The following PHIP variants were observed in gnomAD, a reference collection of about 807,000 sequenced individuals.
PHIP encodes PHIP subunit of CUL4-Ring ligase complex, also known as PH-interacting protein.
Under a neutral mutation model 236.8 loss-of-function variants are expected in PHIP, and 54 were observed. The ratio of observed to expected loss-of-function variants is 0.23; its 90% confidence interval spans 0.18 to 0.29. The LOEUF (loss-of-function observed/expected upper bound fraction) is 0.29. PHIP is among the 10% of genes least tolerant of loss of function. PHIP has a pLI of 1.00. For missense variants in PHIP, 1,370 were observed against 2,190.8 expected (o/e 0.63, Z 7.48); for synonymous variants, 756 against 718.9 (o/e 1.05, Z -0.83).
intron 6 of PHIP, among the ~76,000 whole-genome samples, chr6:79,057,350 G>C (rs1773126621): frequency 6.6e-6 from 1 of 152,098 alleles, no homozygotes; most frequent in South Asian, 2.1e-4. Flanking sequence ...AAGGTCTGCT[G>C]TTTAGTTAAC....
At chr6:79,005,781 C>T (rs944677228) in intron 15 of PHIP, among the ~76,000 whole-genome samples, 1 of 152,002 alleles carries the variant, frequency 6.6e-6, no homozygotes, top group African/African-American at 2.4e-5. Context: ...TGGTATCCTT[C>T]ATGTGTTGTT....
intron 6 of PHIP, among the ~76,000 whole-genome samples, chr6:79,056,544 G>A (rs1001230041): frequency 6.6e-6 from 1 of 152,128 alleles, no homozygotes; most frequent in South Asian, 2.1e-4. Flanking sequence ...TTTTGCCCAG[G>A]AGATATTTGG....
At chr6:79,046,423 C>T (rs1211712152) in intron 6 of PHIP, among the ~76,000 whole-genome samples, 1 of 152,178 alleles carries the variant, frequency 6.6e-6, no homozygotes, top group African/African-American at 2.4e-5. Flanking sequence ...TCACTTATTA[C>T]CAGACCTATT....
chr6:78,970,180 G>A lies in PHIP; in HGVS notation c.2998-7C>T. 6.2e-7 allele frequency: 1 copy of A among 1,608,632 alleles called. No individual in the cohort carries two copies. Among genetic ancestry groups the A allele is most frequent in the African/African-American group, 1.3e-5 (1 of 74,888 alleles). Reference sequence around the variant, plus strand: ...TTTTCATAAGTTCTTGTTCCTGAGAGAGACAGAGAATATAAGGAACCATCT... The same window carrying A: ...TTTTCATAAGTTCTTGTTCCTGAGAAAGACAGAGAATATAAGGAACCATCT... On this transcript the variant is annotated splice_polypyrimidine_tract_variant and splice_region_variant and intron_variant, in intron 25 of 39. Coordinates refer to ENST00000275034, the MANE Select transcript of PHIP (RefSeq NM_017934.7).
At chr6:79,042,818 A>C in intron 7 of PHIP, 25 bp downstream of exon 7, 1 of 1,528,110 alleles carries the variant, frequency 6.5e-7, no homozygotes, top group Non-Finnish European at 8.9e-7. Flanking sequence ...ATATGAATAT[A>C]AATAATACTT....
At chr6:78,979,914 T>G (rs1582159236) in intron 23 of PHIP, among the ~76,000 whole-genome samples, 2 of 151,972 alleles carry the variant, frequency 1.3e-5, no homozygotes, top group African/African-American at 4.8e-5. Context: ...ACTGTAGTAG[T>G]TGTCATTTTC....
intron 39 of PHIP, among the ~76,000 whole-genome samples, chr6:78,943,566 G>A (rs1037371270): frequency 1.3e-5 from 2 of 152,052 alleles, no homozygotes; most frequent in East Asian, 1.9e-4. Context: ...CTGTATAATG[G>A]GCATTAAAAA....
chr6:79,072,800 A>G (rs547248109), intron 4 of PHIP, among the ~76,000 whole-genome samples: 1 of 152,156 alleles, frequency 6.6e-6, no homozygotes, highest in Non-Finnish European at 1.5e-5. Context: ...TATACTGCAG[A>G]TTCTATGTTC....
At chr6:78,977,986 C>A (rs1240857793) in intron 24 of PHIP, among the ~76,000 whole-genome samples, 1 of 152,038 alleles carries the variant, frequency 6.6e-6, no homozygotes, top group Non-Finnish European at 1.5e-5. Flanking sequence ...GATAACACTG[C>A]CTCTTAAAAT....
Position 79,015,070 on chromosome 6 carries a change from AATG to A in PHIP, c.1524+9_1524+11del, listed in dbSNP as rs750101506. ...TCTTTAGTAGGTATAAAATGAAGAG[AATG>A]ATAATTACCATATTGAAATAAGATC... On this transcript the variant is annotated intron_variant, in intron 15 of 39. Transcript: ENST00000275034. The A allele has an allele frequency of 3.1e-6, 5 of 1,605,808 alleles. No homozygotes were observed. The African/African-American group carries it at 5.4e-5, about 17-fold the overall frequency.
intron 6 of PHIP, among the ~76,000 whole-genome samples, chr6:79,044,478 T>TTAA (rs1197310676): frequency 6.6e-6 from 1 of 152,130 alleles, no homozygotes; most frequent in Non-Finnish European, 1.5e-5. Flanking sequence ...CCAAACTTAT[T>TTAA]TAATGCAAGA....
At chr6:79,064,020 C>T (rs912198732) in intron 4 of PHIP, among the ~76,000 whole-genome samples, 2 of 152,060 alleles carry the variant, frequency 1.3e-5, no homozygotes, top group Non-Finnish European at 2.9e-5. Context: ...ACCTACTTTA[C>T]AGGAGAACCT....
chr6:79,077,965 G>T (rs755824404), intron 1 of PHIP, 52 bp from the exon 2 acceptor site: 2 of 1,588,522 alleles, frequency 1.3e-6, no homozygotes, highest in African/African-American at 1.3e-5. Context: ...GTCGGGCGGC[G>T]GGGGGCGGGG....
chr6:79,030,343 T>C (rs1644730033), intron 7 of PHIP, among the ~76,000 whole-genome samples: 1 of 152,198 alleles, frequency 6.6e-6, no homozygotes, highest in African/African-American at 2.4e-5. Context: ...CATAGTTTTT[T>C]CAGCAAAGCT....
intron 6 of PHIP, among the ~76,000 whole-genome samples, chr6:79,056,476 A>C (rs557812580): frequency 1.8e-4 from 27 of 152,204 alleles, no homozygotes; most frequent in African/African-American, 6.0e-4. Flanking sequence ...TCAATGGGGG[A>C]AAGGAGGAGG....
chr6:78,970,571 A>G (rs1449596646), intron 25 of PHIP, among the ~76,000 whole-genome samples: 3 of 152,142 alleles, frequency 2.0e-5, no homozygotes, highest in Non-Finnish European at 4.4e-5. Context: ...TACCCAACCC[A>G]TAAACTGCAT....
At chr6:78,964,046 T>G (rs962449552) in intron 29 of PHIP, among the ~76,000 whole-genome samples, 13 of 152,186 alleles carry the variant, frequency 8.5e-5, no homozygotes, top group Admixed American at 8.5e-4. Context: ...ATCCAAGGCA[T>G]TATAACACCA....
intron 33 of PHIP, 92 bp from the exon 34 acceptor site, chr6:78,955,374 TG>T: frequency 1.1e-6 from 1 of 899,550 alleles, no homozygotes; most frequent in Non-Finnish European, 1.8e-6. Context: ...CTTTACACAC[TG>T]GAACACCTGT....
chr6:78,948,841 G>A (rs897888568), intron 35 of PHIP, among the ~76,000 whole-genome samples: 1 of 152,170 alleles, frequency 6.6e-6, no homozygotes, highest in African/African-American at 2.4e-5. Flanking sequence ...TTTTTGAAGT[G>A]TAACAACTTG....
Sources: allele counts gnomAD v4.1 joint callset (sites outside exome capture counted in the v4.1 genomes callset), GRCh38; gene constraint gnomAD v4.1.1; transcripts MANE v1.5; gene names NCBI Gene and HGNC (gene_info 2026-07-23, HGNC 2026-07-21).